The following PCCA variants were observed in gnomAD, a reference collection of about 807,000 sequenced individuals.
The protein encoded by PCCA is propionyl-CoA carboxylase subunit alpha.
A neutral mutation model predicts 101.3 loss-of-function variants in PCCA; 74 were observed. The ratio of observed to expected loss-of-function variants is 0.73; its 90% CI spans 0.61 to 0.89. The LOEUF is 0.89. PCCA is among the 40% of genes least tolerant of loss of function. PCCA has a pLI of 0.00. For missense variants in PCCA, 891 were observed against 907.0 expected, an observed-to-expected ratio of 0.98 and a Z score of 0.23; for synonymous variants, 294 against 313.6, an observed-to-expected ratio of 0.94 and a Z score of 0.66.
At chr13:100,147,685 A>G (rs2052750160) in intron 4 of PCCA, among the ~76,000 whole-genome samples, 1 of 152,166 alleles carries the variant, frequency 6.6e-6, no homozygotes, top group African/African-American at 2.4e-5. Context: ...AATCTTAAAG[A>G]TTGCAAGCTA....
chr13:100,208,127 C>T (rs899436415), intron 6 of PCCA, among the ~76,000 whole-genome samples: 8 of 152,106 alleles, frequency 5.3e-5, no homozygotes, highest in Admixed American at 2.0e-4. Context: ...GTCAGCTCAG[C>T]GTGTGCAAAG....
rs535433094 is a variant in PCCA at position 100,333,107 on chromosome 13, C to T, written c.1540+2436C>T. Among the ~76,000 whole-genome samples the T allele has an allele frequency of 1.4e-3, 220 of 152,252 alleles. 1 individual carries two copies. The highest frequency in any genetic ancestry group is 5.0e-3 in the African/African-American group (209 of 41,536). On this transcript the variant is annotated intron_variant, in intron 17 of 23. Transcript: ENST00000376285. ...CCTATATTTGCCATTCTTAATGTCT[C>T]CCTCTTGTTTTATTTTCTTATTTTC... is the stretch of plus-strand genomic sequence containing the variant.
At chr13:100,339,089 G>A (rs1277203043) in intron 17 of PCCA, among the ~76,000 whole-genome samples, 1 of 151,822 alleles carries the variant, frequency 6.6e-6, no homozygotes, top group Admixed American at 6.6e-5. Context: ...CCCCAGTGTC[G>A]TATTTACATA....
At chr13:100,258,011 A>G (rs1441633821) in intron 9 of PCCA, among the ~76,000 whole-genome samples, 1 of 152,204 alleles carries the variant, frequency 6.6e-6, no homozygotes, top group Non-Finnish European at 1.5e-5. Context: ...AATGTCATCT[A>G]AAGATTTAAA....
At chr13:100,409,462 C>T (rs989823192) in intron 19 of PCCA, among the ~76,000 whole-genome samples, 1 of 152,094 alleles carries the variant, frequency 6.6e-6, no homozygotes, top group African/African-American at 2.4e-5. Flanking sequence ...AGGGACTCAG[C>T]GAGGCCAGAG....
intron 21 of PCCA, among the ~76,000 whole-genome samples, chr13:100,477,146 T>G (rs967709934): frequency 1.3e-5 from 2 of 152,194 alleles, no homozygotes; most frequent in African/African-American, 4.8e-5. Context: ...TCATTTACGC[T>G]CTCTCGGCAC....
intron 20 of PCCA, among the ~76,000 whole-genome samples, chr13:100,439,939 A>T (rs914361118): frequency 2.6e-5 from 4 of 151,942 alleles, no homozygotes; most frequent in Non-Finnish European, 5.9e-5. Flanking sequence ...TTGCTCAAAT[A>T]TTTTCAAAAG....
intron 4 of PCCA, among the ~76,000 whole-genome samples, chr13:100,133,378 C>T (rs1419577527): frequency 1.3e-5 from 2 of 152,176 alleles, no homozygotes; most frequent in Non-Finnish European, 2.9e-5. Context: ...GTGTCTACTG[C>T]AGATCACTTG....
chr13:100,172,590 G>A (rs546196243), intron 6 of PCCA, among the ~76,000 whole-genome samples: 2 of 152,290 alleles, frequency 1.3e-5, no homozygotes, highest in East Asian at 3.9e-4. Flanking sequence ...AAAAGCAATA[G>A]AAGTTTTAAA....
chr13:100,185,933 C>G (rs1184830969), intron 6 of PCCA, among the ~76,000 whole-genome samples: 1 of 152,242 alleles, frequency 6.6e-6, no homozygotes, highest in Non-Finnish European at 1.5e-5. Flanking sequence ...AGGCGTAAGC[C>G]ACTGTGCCCG....
chr13:100,133,061 G>A (rs547529510), intron 4 of PCCA, among the ~76,000 whole-genome samples: 1 of 152,278 alleles, frequency 6.6e-6, no homozygotes, highest in African/African-American at 2.4e-5. Context: ...TTATAGACAT[G>A]AGCCACCATG....
chr13:100,280,006 GTTTTTGTTTTTTT>G (rs2063963215), intron 12 of PCCA, among the ~76,000 whole-genome samples: 1 of 58,784 alleles, frequency 1.7e-5, no homozygotes, highest in Admixed American at 3.0e-4. Flanking sequence ...TTTTGTTTTT[GTTTTTGTTTTTTT>G]TTTTTTTGGT....
chr13:100,211,464 A>G (rs1328806803), intron 7 of PCCA, among the ~76,000 whole-genome samples: 1 of 152,198 alleles, frequency 6.6e-6, no homozygotes, highest in East Asian at 1.9e-4. Context: ...TCTTATATCA[A>G]TCTTTGAGCA....
intron 23 of PCCA, 84 bp downstream of exon 23, chr13:100,527,836 A>C (rs986095456): frequency 1.9e-6 from 2 of 1,043,314 alleles, no homozygotes; most frequent in African/African-American, 3.1e-5. Flanking sequence ...TTTGGCTGGA[A>C]AGGGCCACAG....
At chr13:100,258,348 C>T (rs1180955208) in intron 9 of PCCA, among the ~76,000 whole-genome samples, 2 of 151,932 alleles carry the variant, frequency 1.3e-5, no homozygotes, top group South Asian at 2.1e-4. Flanking sequence ...TAGAAGAGCA[C>T]GTGGAATGGG....
intron 21 of PCCA, among the ~76,000 whole-genome samples, chr13:100,460,296 A>C (rs1000107259): frequency 4.6e-5 from 7 of 152,264 alleles, no homozygotes; most frequent in Non-Finnish European, 7.3e-5. Flanking sequence ...TTTTGTTATT[A>C]AAGAATGCAG....
At chr13:100,278,672 G>A (rs566697108) in intron 12 of PCCA, among the ~76,000 whole-genome samples, 7 of 152,140 alleles carry the variant, frequency 4.6e-5, no homozygotes, top group Non-Finnish European at 8.8e-5. Flanking sequence ...TAGAGACAGG[G>A]TTTCACCACG....
chr13:100,516,532 G>A (rs1326586631), intron 22 of PCCA, among the ~76,000 whole-genome samples: 3 of 152,192 alleles, frequency 2.0e-5, no homozygotes, highest in Non-Finnish European at 4.4e-5. Flanking sequence ...ACTAATATGC[G>A]AAGTTAGAAA....
At chr13:100,363,886 A>C (rs1298777107) in intron 18 of PCCA, among the ~76,000 whole-genome samples, 1 of 152,158 alleles carries the variant, frequency 6.6e-6, no homozygotes, top group African/African-American at 2.4e-5. Context: ...CTTTTGAGTA[A>C]AATATTCCAG....
Sources: gnomAD v4.1 joint callset for allele counts (sites outside exome capture counted in the v4.1 genomes callset) on GRCh38, gnomAD v4.1.1 for gene constraint, MANE v1.5 for transcripts, NCBI Gene and HGNC (gene_info 2026-07-23, HGNC 2026-07-21) for gene names.